Variants in PTPRD observed in about 807,000 individuals in gnomAD.
PTPRD encodes the protein protein tyrosine phosphatase receptor type D.
Under a neutral mutation model 214.5 loss-of-function variants are expected in PTPRD, and 34 were observed. That is an observed-to-expected ratio of 0.16 (90% CI 0.12 to 0.21). The LOEUF is 0.21. Ranked by LOEUF, PTPRD falls within the 10% of genes least tolerant of loss-of-function variation. PTPRD has a pLI of 1.00. For missense variants in PTPRD, 2,545 were observed against 2,398.7 expected (o/e 1.06, Z -1.27); for synonymous variants, 1,128 against 845.7 (o/e 1.33, Z -5.79).
At chr9:9,601,037 C>T (rs1246009541) in intron 7 of PTPRD, among the ~76,000 whole-genome samples, 1 of 148,584 alleles carries the variant, frequency 6.7e-6, no homozygotes, top group Non-Finnish European at 1.5e-5. Context: ...ACAATGCTGA[C>T]AAACTAATTG....
intron 4 of PTPRD, among the ~76,000 whole-genome samples, chr9:9,943,303 G>A (rs1354961324): frequency 6.6e-6 from 1 of 152,108 alleles, no homozygotes. Context: ...TAGGCAGTCA[G>A]GCTCTGCTTC....
At chr9:8,787,026 G>C (rs771934720) in intron 11 of PTPRD, among the ~76,000 whole-genome samples, 7 of 152,020 alleles carry the variant, frequency 4.6e-5, no homozygotes, top group Non-Finnish European at 8.8e-5. Context: ...TTTGTAGACA[G>C]GGTCTCACGA....
chr9:8,949,330 GTCT>G (rs1417631491), intron 11 of PTPRD, among the ~76,000 whole-genome samples: 1 of 151,638 alleles, frequency 6.6e-6, no homozygotes. Flanking sequence ...ATGAAATATT[GTCT>G]TATTATTTTT....
At chr9:9,773,061 G>A (rs1234314843) in intron 5 of PTPRD, among the ~76,000 whole-genome samples, 1 of 152,066 alleles carries the variant, frequency 6.6e-6, no homozygotes, top group Non-Finnish European at 1.5e-5. Flanking sequence ...TGTAAACCAT[G>A]TTTTCAAAGA....
chr9:8,533,060 A>G (rs181603522), intron 14 of PTPRD, among the ~76,000 whole-genome samples: 139 of 152,234 alleles, frequency 9.1e-4, no homozygotes, highest in African/African-American at 3.0e-3. Flanking sequence ...ATATCTGTGA[A>G]TGATCAAGTA....
At chr9:10,050,693 T>A (rs771656414) in intron 3 of PTPRD, among the ~76,000 whole-genome samples, 1 of 149,762 alleles carries the variant, frequency 6.7e-6, no homozygotes. Context: ...TTTCAGTAAA[T>A]GATTATCTAA....
At chr9:8,452,164 G>C (rs1469800134) in intron 33 of PTPRD, among the ~76,000 whole-genome samples, 1 of 152,156 alleles carries the variant, frequency 6.6e-6, no homozygotes, top group African/African-American at 2.4e-5. Context: ...TTATTCAAAT[G>C]AAATTATTTC....
intron 4 of PTPRD, among the ~76,000 whole-genome samples, chr9:9,981,121 A>C (rs1398964238): frequency 6.6e-6 from 1 of 152,176 alleles, no homozygotes; most frequent in Non-Finnish European, 1.5e-5. Flanking sequence ...TAGTGGAGGA[A>C]TTCGTAGCAA....
intron 9 of PTPRD, among the ~76,000 whole-genome samples, chr9:9,215,476 G>A (rs1049723887): frequency 3.9e-5 from 6 of 152,108 alleles, no homozygotes; most frequent in Non-Finnish European, 7.3e-5. Flanking sequence ...CAAAATATAA[G>A]GATTACAATG....
chr9:8,560,927 T>C (rs1304350826), intron 14 of PTPRD, among the ~76,000 whole-genome samples: 2 of 141,120 alleles, frequency 1.4e-5, no homozygotes, highest in African/African-American at 5.1e-5. Context: ...GGCATTCCTT[T>C]AAAAAAAAAA....
At chr9:8,462,671 C>T (rs915923178) in intron 32 of PTPRD, among the ~76,000 whole-genome samples, 1 of 151,854 alleles carries the variant, frequency 6.6e-6, no homozygotes, top group Non-Finnish European at 1.5e-5. Context: ...CTCTCCAGGC[C>T]CCCACTTGAA....
chr9:9,152,621 A>C (rs1447761627), intron 10 of PTPRD, among the ~76,000 whole-genome samples: 2 of 152,206 alleles, frequency 1.3e-5, no homozygotes, highest in African/African-American at 2.4e-5. Context: ...AAATGGTGCC[A>C]AATGAATTGC....
chr9:9,219,983 T>C (rs955317765), intron 9 of PTPRD, among the ~76,000 whole-genome samples: 2 of 152,174 alleles, frequency 1.3e-5, no homozygotes, highest in South Asian at 2.1e-4. Flanking sequence ...CACAGTGATA[T>C]ACAAACTCAT....
At chr9:9,236,983 A>AGTT (rs1467081200) in intron 9 of PTPRD, among the ~76,000 whole-genome samples, 2 of 152,126 alleles carry the variant, frequency 1.3e-5, no homozygotes, top group African/African-American at 2.4e-5. Context: ...AAGGCTTATT[A>AGTT]GTTTTTGTCT....
At chr9:10,064,761 T>C (rs73641839) in intron 3 of PTPRD, among the ~76,000 whole-genome samples, 2 of 151,920 alleles carry the variant, frequency 1.3e-5, no homozygotes, top group Admixed American at 1.3e-4. Flanking sequence ...CATAATGTTA[T>C]AAACTTGTAT....
At chr9:9,441,508 G>T (rs907803400) in intron 8 of PTPRD, among the ~76,000 whole-genome samples, 2 of 152,122 alleles carry the variant, frequency 1.3e-5, no homozygotes, top group African/African-American at 4.8e-5. Flanking sequence ...AAAGGCAAAA[G>T]GTGATGATGG....
In PTPRD at chr9:8,929,843, G is replaced by GTATATATGTATATATGTGTATATA. The variant is rs1588232576; in HGVS notation, c.-104+88853_-104+88854insTATATACACATATATACATATATA. 5.8e-4 allele frequency among the ~76,000 whole-genome samples: 27 copies of GTATATATGTATATATGTGTATATA among 46,262 alleles called. 2 individuals carry two copies. Among genetic ancestry groups the GTATATATGTATATATGTGTATATA allele is most frequent in the African/African-American group, 2.0e-3 (27 of 13,222 alleles). 30.3% of individuals were successfully genotyped at this position (46,262 alleles called of 152,430 possible). A position where few individuals can be genotyped will look rare whatever the true frequency, so the allele number is the denominator to read the frequency against. On this transcript the variant is annotated intron_variant, in intron 11 of 45. Coordinates refer to ENST00000381196, the MANE Select transcript of PTPRD (RefSeq NM_002839.4). ...TGTGTATATATATGTGTATATATATGTGTGTATATATATGTGTATATACAT... is the reference window on the plus strand; with the variant it reads ...TGTGTATATATATGTGTATATATATGTATATATGTATATATGTGTATATATGTGTATATATATGTGTATATACAT...
chr9:9,161,222 G>T (rs1344875921), intron 10 of PTPRD, among the ~76,000 whole-genome samples: 2 of 152,110 alleles, frequency 1.3e-5, no homozygotes, highest in Non-Finnish European at 2.9e-5. Flanking sequence ...ATAAGTGGAG[G>T]TGATAGGTAT....
chr9:9,879,367 C>T (rs899228101), intron 5 of PTPRD, among the ~76,000 whole-genome samples: 5 of 152,128 alleles, frequency 3.3e-5, no homozygotes, highest in African/African-American at 1.2e-4. Context: ...GAAAAAAATG[C>T]CTCTAGGTAG....
Sources: allele counts gnomAD v4.1 joint callset (sites outside exome capture counted in the v4.1 genomes callset), GRCh38; gene constraint gnomAD v4.1.1; transcripts MANE v1.5; gene names NCBI Gene and HGNC (gene_info 2026-07-23, HGNC 2026-07-21).